The following TMEM163 variants were observed in gnomAD, a reference collection of about 807,000 sequenced individuals.
TMEM163 encodes the protein transmembrane protein 163.
A neutral mutation model predicts 29.3 loss-of-function variants in TMEM163; 17 were observed. The ratio of observed to expected loss-of-function variants is 0.58; its 90% CI spans 0.40 to 0.87. TMEM163 has a LOEUF of 0.87. Ranked by LOEUF, TMEM163 falls within the 40% of genes least tolerant of loss-of-function variation. The pLI is 0.00. For missense variants in TMEM163, 303 were observed against 381.5 expected (o/e 0.79, Z 1.71); for synonymous variants, 157 against 160.6 (o/e 0.98, Z 0.17).
At chr2:134,532,463 A>C (rs1223703992) in intron 4 of TMEM163, among the ~76,000 whole-genome samples, 1 of 152,218 alleles carries the variant, frequency 6.6e-6, no homozygotes, top group African/African-American at 2.4e-5. Context: ...TCATCAGCCA[A>C]ATCCTCCTCC....
At chr2:134,535,329 G>A (rs1680509597) in intron 4 of TMEM163, among the ~76,000 whole-genome samples, 1 of 152,208 alleles carries the variant, frequency 6.6e-6, no homozygotes, top group African/African-American at 2.4e-5. Context: ...ACAAATTTTG[G>A]TGGGTGCTAA....
At chr2:134,466,049 C>G in intron 6 of TMEM163, 65 bp downstream of exon 6, 1 of 1,208,690 alleles carries the variant, frequency 8.3e-7, no homozygotes, top group East Asian at 2.5e-5. Context: ...TAAAAGAGAC[C>G]CAAACAGCAT....
chr2:134,636,974 C>G (rs1683118684), intron 2 of TMEM163, among the ~76,000 whole-genome samples: 1 of 152,198 alleles, frequency 6.6e-6, no homozygotes, highest in African/African-American at 2.4e-5. Context: ...TGGCCCCCCA[C>G]CCACCACATT....
At chr2:134,544,121 C>T (rs1454429537) in intron 4 of TMEM163, among the ~76,000 whole-genome samples, 1 of 152,154 alleles carries the variant, frequency 6.6e-6, no homozygotes, top group African/African-American at 2.4e-5. Flanking sequence ...CAGAGACCCC[C>T]CAGTGAGTGT....
chr2:134,664,896 G>A (rs1440566010), intron 2 of TMEM163, among the ~76,000 whole-genome samples: 1 of 151,726 alleles, frequency 6.6e-6, no homozygotes, highest in Non-Finnish European at 1.5e-5. Flanking sequence ...GTTTTGTTTT[G>A]TTTGAGACAG....
At chr2:134,581,616 T>G (rs1681695352) in intron 2 of TMEM163, among the ~76,000 whole-genome samples, 1 of 148,052 alleles carries the variant, frequency 6.8e-6, no homozygotes, top group Admixed American at 7.0e-5. Context: ...GGAACATTCT[T>G]CATGCTCTTT....
intron 5 of TMEM163, chr2:134,468,223 C>T (rs1413650010): frequency 2.6e-5 from 4 of 152,202 alleles, no homozygotes; most frequent in African/African-American, 9.7e-5. Flanking sequence ...GGTGATTAGG[C>T]TGCAAGGACA....
At chr2:134,546,547 G>A (rs1329799444) in intron 4 of TMEM163, among the ~76,000 whole-genome samples, 2 of 152,112 alleles carry the variant, frequency 1.3e-5, no homozygotes, top group South Asian at 2.1e-4. Context: ...AGGAGGCTGA[G>A]GCAGGAGAAT....
chr2:134,546,300 A>T (rs867901017), intron 4 of TMEM163, among the ~76,000 whole-genome samples: 1 of 152,200 alleles, frequency 6.6e-6, no homozygotes, highest in African/African-American at 2.4e-5. Flanking sequence ...ATGTCCATCG[A>T]TGGATGAATG....
At chr2:134,512,997 G>A (rs1679982593) in intron 4 of TMEM163, among the ~76,000 whole-genome samples, 1 of 152,208 alleles carries the variant, frequency 6.6e-6, no homozygotes, top group Non-Finnish European at 1.5e-5. Flanking sequence ...AGGCAGGTAA[G>A]GATGTGGCAA....
At chr2:134,681,894 A>G (rs2104876102) in intron 2 of TMEM163, among the ~76,000 whole-genome samples, 1 of 152,386 alleles carries the variant, frequency 6.6e-6, no homozygotes, top group East Asian at 1.9e-4. Context: ...ATGTACATTT[A>G]GAACCCAGAT....
intron 2 of TMEM163, among the ~76,000 whole-genome samples, chr2:134,564,113 A>G (rs1459152948): frequency 1.3e-5 from 2 of 152,214 alleles, no homozygotes; most frequent in Non-Finnish European, 2.9e-5. Flanking sequence ...AACAACCACA[A>G]CCAAAAAAAC....
At chr2:134,562,815 G>GA (rs796646542) in intron 2 of TMEM163, among the ~76,000 whole-genome samples, 1 of 151,940 alleles carries the variant, frequency 6.6e-6, no homozygotes, top group Admixed American at 6.6e-5. Context: ...CAAGAAACAT[G>GA]AAAAAACTAG....
intron 5 of TMEM163, among the ~76,000 whole-genome samples, chr2:134,473,334 G>A (rs745843946): frequency 6.6e-6 from 1 of 152,070 alleles, no homozygotes; most frequent in South Asian, 2.1e-4. Context: ...TCAGGAGTTC[G>A]AGACCAGCCT....
intron 2 of TMEM163, among the ~76,000 whole-genome samples, chr2:134,598,131 T>C (rs886742789): frequency 6.6e-6 from 1 of 152,110 alleles, no homozygotes; most frequent in African/African-American, 2.4e-5. Flanking sequence ...TCACAAAGCA[T>C]AAATTTTTAA....
intron 2 of TMEM163, among the ~76,000 whole-genome samples, chr2:134,577,452 G>C (rs895786296): frequency 1.3e-5 from 2 of 152,212 alleles, no homozygotes; most frequent in Non-Finnish European, 1.5e-5. Context: ...AAATACACAA[G>C]GGTCAGAAGC....
intron 5 of TMEM163, among the ~76,000 whole-genome samples, chr2:134,485,141 C>A (rs1679280465): frequency 6.6e-6 from 1 of 152,192 alleles, no homozygotes; most frequent in African/African-American, 2.4e-5. Flanking sequence ...CAAAATACTG[C>A]AAATTAAAAA....
intron 5 of TMEM163, among the ~76,000 whole-genome samples, chr2:134,498,871 AG>A (rs1679639534): frequency 1.3e-5 from 2 of 152,246 alleles, no homozygotes; most frequent in Non-Finnish European, 2.9e-5. Flanking sequence ...AATGGGCAGC[AG>A]GATCCTAAAG....
At chr2:134,496,975 C>T (rs1679579638) in intron 5 of TMEM163, among the ~76,000 whole-genome samples, 1 of 152,158 alleles carries the variant, frequency 6.6e-6, no homozygotes, top group Non-Finnish European at 1.5e-5. Context: ...ACGCCTCCTC[C>T]CACTCATCGC....
Sources: allele counts gnomAD v4.1 joint callset (sites outside exome capture counted in the v4.1 genomes callset), GRCh38; gene constraint gnomAD v4.1.1; transcripts MANE v1.5; gene names NCBI Gene and HGNC (gene_info 2026-07-23, HGNC 2026-07-21).